The following BABAM2 variants were observed in gnomAD, a reference collection of about 807,000 sequenced individuals.
BABAM2 encodes the protein BRISC and BRCA1 A complex member 2, also known as BRISC and BRCA1-A complex member 2.
In BABAM2, 31 loss-of-function variants were observed where a neutral mutation model predicts 54.7. The observed-to-expected ratio is 0.57, with a 90% CI of 0.43 to 0.77. The LOEUF (loss-of-function observed/expected upper bound fraction) is 0.77. BABAM2 is among the 30% of genes least tolerant of loss of function. BABAM2 has a pLI of 0.00. For synonymous variants in BABAM2, 167 were observed against 162.9 expected, an observed-to-expected ratio of 1.03 and a Z score of -0.19; for missense variants, 364 against 455.8, an observed-to-expected ratio of 0.80 and a Z score of 1.83.
chr2:28,264,514 T>A (rs1228511595), intron 10 of BABAM2, among the ~76,000 whole-genome samples: 2 of 152,220 alleles, frequency 1.3e-5, no homozygotes, highest in Non-Finnish European at 2.9e-5. Context: ...AGAAATGAAT[T>A]GTGGTCGCAA....
intron 5 of BABAM2, among the ~76,000 whole-genome samples, chr2:28,029,352 C>CT (rs1211511752): frequency 6.6e-6 from 1 of 152,168 alleles, no homozygotes; most frequent in African/African-American, 2.4e-5. Context: ...AGCCATTAAA[C>CT]ACTAATTCCT....
chr2:28,331,000 A>C (rs1033904376), intron 11 of BABAM2, among the ~76,000 whole-genome samples: 3 of 152,202 alleles, frequency 2.0e-5, no homozygotes, highest in Admixed American at 6.5e-5. Flanking sequence ...CAGGATAGAC[A>C]TCTCAGAAAT....
chr2:28,096,349 TACA>T (rs1666618195), intron 6 of BABAM2, among the ~76,000 whole-genome samples: 1 of 150,508 alleles, frequency 6.6e-6, no homozygotes, highest in African/African-American at 2.5e-5. Flanking sequence ...ATAGGAAAGT[TACA>T]ACAATTTTAG....
At chr2:28,047,226 T>C (rs933607743) in intron 6 of BABAM2, among the ~76,000 whole-genome samples, 2 of 152,158 alleles carry the variant, frequency 1.3e-5, no homozygotes, top group Admixed American at 6.5e-5. Context: ...GTGGAAAATA[T>C]ATATATTAGA....
intron 6 of BABAM2, among the ~76,000 whole-genome samples, chr2:28,112,151 C>CTTTCTTTCTTTCTTTCTTTCTT (rs1261759583): frequency 0.012 from 235 of 19,616 alleles, 72 homozygotes; most frequent in East Asian, 0.014. Flanking sequence ...CTTTCTTTAC[C>CTTTCTTTCTTTCTTTCTTTCTT]TCCCTCCCTC....
chr2:27,928,946 G>A (rs965780144), intron 2 of BABAM2, among the ~76,000 whole-genome samples: 2 of 151,392 alleles, frequency 1.3e-5, no homozygotes, highest in Non-Finnish European at 2.9e-5. Context: ...AGGTGCAGTG[G>A]CTCATGCCTG....
chr2:27,962,355 C>G (rs1573274157), intron 3 of BABAM2, among the ~76,000 whole-genome samples: 1 of 152,196 alleles, frequency 6.6e-6, no homozygotes, highest in East Asian at 1.9e-4. Flanking sequence ...ATCCTCCTGG[C>G]CTCCCAAAGT....
chr2:28,016,419 G>A, intron 4 of BABAM2: 1 of 1,405,806 alleles, frequency 7.1e-7, no homozygotes, highest in Non-Finnish European at 1.0e-6. Flanking sequence ...GACTGGATTG[G>A]ACCCCTTGAT....
chr2:28,040,322 A>C (rs1467260698), intron 5 of BABAM2, among the ~76,000 whole-genome samples: 2 of 31,214 alleles, frequency 6.4e-5, no homozygotes, highest in Admixed American at 6.6e-4. Context: ...TTTTTTTGAG[A>C]CGGAGTCTCG....
intron 6 of BABAM2, among the ~76,000 whole-genome samples, chr2:28,063,277 C>A (rs1422581403): frequency 1.3e-5 from 2 of 152,174 alleles, no homozygotes; most frequent in Non-Finnish European, 1.5e-5. Context: ...CAGCACTGTC[C>A]AGTACCAATA....
At chr2:27,958,934 A>G (rs559200836) in intron 3 of BABAM2, among the ~76,000 whole-genome samples, 1 of 152,310 alleles carries the variant, frequency 6.6e-6, no homozygotes, top group South Asian at 2.1e-4. Context: ...TCTCAAGATA[A>G]CTTGAGGAAT....
rs151106530 is a variant in BABAM2, at chr2:27,985,162, A to G, written c.206-2831A>G. Reference sequence around the variant, plus strand: ...TTTGGGCTGGTTCCATAGTTTTGCAATTGTGAATTGTGCTGCTATAAGCAT... The same window carrying G: ...TTTGGGCTGGTTCCATAGTTTTGCAGTTGTGAATTGTGCTGCTATAAGCAT... On this transcript the variant is annotated intron_variant, in intron 3 of 11. Coordinates refer to ENST00000379624, the MANE Select transcript of BABAM2 (RefSeq NM_199191.3). Among the ~76,000 whole-genome samples the G allele has an allele frequency of 6.4e-3, 956 of 149,532 alleles. 5 individuals carry two copies. Among genetic ancestry groups the G allele is most frequent in the Non-Finnish European group, 7.9e-3 (536 of 67,634 alleles).
At chr2:28,215,339 G>C (rs1435117284) in intron 7 of BABAM2, among the ~76,000 whole-genome samples, 1 of 152,256 alleles carries the variant, frequency 6.6e-6, no homozygotes, top group East Asian at 1.9e-4. Flanking sequence ...ATAGGGCTAA[G>C]AACCATCTAA....
chr2:28,298,402 T>C lies in BABAM2; in HGVS notation c.999T>C (p.Phe333=). 6.2e-7 allele frequency: 1 copy of C among 1,614,226 alleles called. No individual in the cohort carries two copies. Residue 333 remains phenylalanine, a synonymous_variant, in exon 11 of 12, where the codon TTT becomes TTC. Coordinates refer to ENST00000379624, the MANE Select transcript of BABAM2 (RefSeq NM_199191.3). ...TCACATTTCAGTCCGTTTATCACTT[T>C]ACCAACAGTGGACAGCTTTACTCCC... ...PTLTFQSVYH[F]TNSGQLYSQA... is the part of the protein sequence containing the mutation.
At chr2:28,079,494 A>G (rs569086060) in intron 6 of BABAM2, among the ~76,000 whole-genome samples, 1 of 152,334 alleles carries the variant, frequency 6.6e-6, no homozygotes, top group South Asian at 2.1e-4. Flanking sequence ...TGCTTCCTTT[A>G]TTAGTAAATA....
chr2:27,896,281 A>C (rs898331126), intron 2 of BABAM2: 1 of 154,042 alleles, frequency 6.5e-6, no homozygotes, highest in Non-Finnish European at 1.4e-5. Context: ...AGCTAGCTTT[A>C]GAATGAGTGG....
At chr2:28,334,282 T>G (rs1691217619) in intron 11 of BABAM2, among the ~76,000 whole-genome samples, 1 of 152,248 alleles carries the variant, frequency 6.6e-6, no homozygotes, top group South Asian at 2.1e-4. Context: ...AAGGAAAGAC[T>G]AAGCTGATGA....
upstream of BABAM2, chr2:27,890,230 A>T (rs746461331): frequency 6.2e-7 from 1 of 1,608,580 alleles, no homozygotes; most frequent in Non-Finnish European, 8.5e-7. The surrounding 1 kb of genome is among the most constrained non-coding windows in gnomAD (Gnocchi z 4.8). Flanking sequence ...CCCGAGCCGC[A>T]GACTGAGTAA....
intron 11 of BABAM2, among the ~76,000 whole-genome samples, chr2:28,317,758 T>C (rs1343524353): frequency 6.6e-6 from 1 of 152,200 alleles, no homozygotes; most frequent in Non-Finnish European, 1.5e-5. Context: ...GAATTTGCTG[T>C]TTTCTTCTCA....
Sources: allele counts gnomAD v4.1 joint callset (sites outside exome capture counted in the v4.1 genomes callset), GRCh38; gene constraint gnomAD v4.1.1; non-coding constraint Gnocchi (gnomAD v3.1); transcripts MANE v1.5; gene names NCBI Gene and HGNC (gene_info 2026-07-23, HGNC 2026-07-21).